Variants in PDE8A observed in about 807,000 individuals in gnomAD.
PDE8A encodes phosphodiesterase 8A.
PDE8A carries 59 observed loss-of-function variants against 105.0 expected under a neutral mutation model. The ratio of observed to expected loss-of-function variants is 0.56; its 90% CI spans 0.46 to 0.70. The LOEUF (loss-of-function observed/expected upper bound fraction) is 0.70, where lower values mean the gene tolerates loss of function less well. Ranked by LOEUF, PDE8A falls within the 30% of genes least tolerant of loss-of-function variation. The pLI, the probability that PDE8A is intolerant of heterozygous loss-of-function variation, is 0.00. For synonymous variants in PDE8A, 355 were observed against 371.9 expected, an observed-to-expected ratio of 0.95 and a Z score of 0.52; for missense variants, 1,014 against 1,045.9, an observed-to-expected ratio of 0.97 and a Z score of 0.42.
intron 1 of PDE8A, among the ~76,000 whole-genome samples, chr15:84,997,818 C>T (rs2080004552): frequency 6.6e-6 from 1 of 152,164 alleles, no homozygotes; most frequent in Non-Finnish European, 1.5e-5. Flanking sequence ...TGGTCTTGAA[C>T]TCCCAACCTC....
intron 3 of PDE8A, among the ~76,000 whole-genome samples, chr15:85,067,835 G>A (rs757087676): frequency 1.3e-5 from 2 of 152,126 alleles, no homozygotes; most frequent in African/African-American, 4.8e-5. Flanking sequence ...TATTTATGGG[G>A]TATGTGGTGA....
At chr15:85,059,901 G>T (rs563954346) in intron 1 of PDE8A, among the ~76,000 whole-genome samples, 1 of 152,234 alleles carries the variant, frequency 6.6e-6, no homozygotes, top group East Asian at 1.9e-4. Context: ...TCAGCTACTC[G>T]GGAGACTGAA....
intron 1 of PDE8A, among the ~76,000 whole-genome samples, chr15:84,999,942 C>G (rs1487657639): frequency 6.6e-6 from 1 of 152,166 alleles, no homozygotes; most frequent in Non-Finnish European, 1.5e-5. Context: ...GTTTCCACTG[C>G]CCCCTTGATT....
Position 85,091,121 on chromosome 15 carries a change from T to C in PDE8A, c.792T>C (p.Pro264=). ...ELIGKELGEV[P]INEKKADLLD... ...TAGGGAAGGAGTTAGGAGAAGTGCC[T>C]ATAAATGAAAAAAAGGCTGACTTGC... Residue 264 remains proline (P), a synonymous_variant, in exon 8 of 22, where the codon CCT becomes CCC. Coordinates refer to ENST00000394553, the MANE Select transcript of PDE8A (RefSeq NM_002605.3). 5 of 1,613,176 alleles carry C rather than the reference T, an allele frequency of 3.1e-6. No homozygotes were observed. Among genetic ancestry groups the C allele is most frequent in the Non-Finnish European group, 4.2e-6 (5 of 1,179,428 alleles).
chr15:85,117,604 C>A (rs2082115919), intron 16 of PDE8A, 37 bp from the exon 17 acceptor site: 5 of 1,570,964 alleles, frequency 3.2e-6, no homozygotes, highest in Admixed American at 1.7e-5. Context: ...TGTTTGTTTG[C>A]TTTGTTCTAA....
intron 11 of PDE8A, among the ~76,000 whole-genome samples, chr15:85,106,279 C>G (rs901036269): frequency 6.6e-6 from 1 of 152,014 alleles, no homozygotes; most frequent in African/African-American, 2.4e-5. Flanking sequence ...TTTCTGCCCC[C>G]ACTCCCTTGA....
At chr15:85,029,401 T>G (rs1324921717) in intron 1 of PDE8A, among the ~76,000 whole-genome samples, 1 of 146,258 alleles carries the variant, frequency 6.8e-6, no homozygotes, top group East Asian at 2.0e-4. Context: ...TCAGATCTGT[T>G]TTGTCCTCAC....
intron 1 of PDE8A, among the ~76,000 whole-genome samples, chr15:85,059,658 A>C (rs770228360): frequency 6.6e-6 from 1 of 151,900 alleles, no homozygotes; most frequent in Non-Finnish European, 1.5e-5. Context: ...TTTTTTGATT[A>C]CTATTAGAGT....
At chr15:85,066,583 AACACACAC>A (rs57124766) in intron 2 of PDE8A, among the ~76,000 whole-genome samples, 7,016 of 116,794 alleles carry the variant, frequency 0.06, 373 homozygotes, top group South Asian at 0.093. Flanking sequence ...ATCCCCCCAA[AACACACAC>A]ACACACACAC....
chr15:85,083,771 C>G, intron 6 of PDE8A, 127 bp downstream of exon 6: 1 of 654,436 alleles, frequency 1.5e-6, no homozygotes, highest in South Asian at 1.8e-5. Flanking sequence ...AATGGAGTGG[C>G]AACTCCCCTC....
At chr15:85,096,162 A>G (rs542845820) in intron 8 of PDE8A, among the ~76,000 whole-genome samples, 1 of 152,312 alleles carries the variant, frequency 6.6e-6, no homozygotes, top group Admixed American at 6.5e-5. Flanking sequence ...GGCGTGAGCC[A>G]CTGTGCCTGG....
chr15:85,134,428 C>T (rs2082374089), intron 20 of PDE8A, among the ~76,000 whole-genome samples: 1 of 152,228 alleles, frequency 6.6e-6, no homozygotes. Flanking sequence ...CCACCCCTTC[C>T]TCTCTATACC....
intron 1 of PDE8A, among the ~76,000 whole-genome samples, chr15:85,031,870 C>T (rs2080621432): frequency 6.6e-6 from 1 of 152,140 alleles, no homozygotes; most frequent in Admixed American, 6.5e-5. Flanking sequence ...ATTGCTGAAT[C>T]CAGGGTTGCC....
At chr15:85,071,979 T>C (rs188315623) in intron 3 of PDE8A, among the ~76,000 whole-genome samples, 202 of 152,178 alleles carry the variant, frequency 1.3e-3, no homozygotes, top group African/African-American at 4.7e-3. Flanking sequence ...GTCTCTGTAA[T>C]AAAAGGGAAG....
chr15:85,038,970 A>T (rs762936813), intron 1 of PDE8A, among the ~76,000 whole-genome samples: 21 of 152,052 alleles, frequency 1.4e-4, no homozygotes, highest in Non-Finnish European at 2.6e-4. Context: ...AAAGATACAA[A>T]ATTAGCCAGG....
At chr15:85,094,163 T>A (rs2081700702) in intron 8 of PDE8A, among the ~76,000 whole-genome samples, 1 of 152,076 alleles carries the variant, frequency 6.6e-6, no homozygotes, top group South Asian at 2.1e-4. Context: ...ATGCTTGGCC[T>A]CTTTTAAAAA....
chr15:85,089,469 A>C (rs1037255145), intron 7 of PDE8A, 53 bp downstream of exon 7: 18 of 1,051,064 alleles, frequency 1.7e-5, no homozygotes, highest in South Asian at 4.3e-5. Flanking sequence ...GCTTTTTCCA[A>C]CTTTTAGGAT....
intron 16 of PDE8A, 112 bp downstream of exon 16, chr15:85,116,231 G>T: frequency 8.7e-7 from 1 of 1,150,970 alleles, no homozygotes; most frequent in Admixed American, 2.3e-5. Context: ...TCAGGGTGGG[G>T]CCCTAAGGAA....
At chr15:85,012,402 C>T (rs2080254183) in intron 1 of PDE8A, among the ~76,000 whole-genome samples, 1 of 151,968 alleles carries the variant, frequency 6.6e-6, no homozygotes, top group Non-Finnish European at 1.5e-5. Flanking sequence ...TTTGTAGGGA[C>T]CTGGATGAAA....
Sources: gnomAD v4.1 joint callset for allele counts (sites outside exome capture counted in the v4.1 genomes callset) on GRCh38, gnomAD v4.1.1 for gene constraint, MANE v1.5 for transcripts, NCBI Gene and HGNC (gene_info 2026-07-23, HGNC 2026-07-21) for gene names.